The following COL19A1 variants were observed in gnomAD, a reference collection of about 807,000 sequenced individuals.
COL19A1 encodes collagen alpha-1(XIX) chain.
In COL19A1, 159 loss-of-function variants were observed where a neutral mutation model predicts 190.2. The ratio of observed to expected loss-of-function variants is 0.84; its 90% confidence interval spans 0.73 to 0.95. COL19A1 has a LOEUF of 0.95. Among genes scored for constraint, COL19A1 ranks in the 40% least tolerant of loss-of-function variants. The probability of loss-of-function intolerance (pLI) is 0.00; values close to 1 mark genes in which losing one functional copy is unlikely to be tolerated. For missense variants in COL19A1, 1,418 were observed against 1,431.9 expected (o/e 0.99, Z 0.16); for synonymous variants, 509 against 458.9 (o/e 1.11, Z -1.39).
intron 11 of COL19A1, among the ~76,000 whole-genome samples, chr6:69,974,520 G>A (rs1475284288): frequency 2.0e-5 from 3 of 152,200 alleles, no homozygotes; most frequent in African/African-American, 7.2e-5. Flanking sequence ...ATAGCACCCA[G>A]TAATCACAGA....
intron 31 of COL19A1, among the ~76,000 whole-genome samples, chr6:70,155,070 C>T (rs75507021): frequency 0.016 from 2,374 of 152,174 alleles, 79 homozygotes; most frequent in African/African-American, 0.053. Flanking sequence ...CAGTATTAAC[C>T]ATCACACCTT....
At chr6:70,033,072 A>T (rs78392624) in intron 12 of COL19A1, among the ~76,000 whole-genome samples, 1 of 152,158 alleles carries the variant, frequency 6.6e-6, no homozygotes, top group South Asian at 2.1e-4. Context: ...AATAATAACT[A>T]TGAGTTTTAT....
At chr6:70,158,528 C>T (rs1787580443) in intron 34 of COL19A1, among the ~76,000 whole-genome samples, 1 of 152,054 alleles carries the variant, frequency 6.6e-6, no homozygotes, top group South Asian at 2.1e-4. Context: ...CTTAGAAAAG[C>T]AACATTTTCT....
At chr6:70,118,049 A>G (rs1398582608) in intron 16 of COL19A1, among the ~76,000 whole-genome samples, 1 of 151,212 alleles carries the variant, frequency 6.6e-6, no homozygotes, top group Non-Finnish European at 1.5e-5. Context: ...CAACTGCCCT[A>G]GAGCATCTAC....
chr6:69,936,719 C>T, intron 7 of COL19A1, 66 bp from the exon 8 acceptor site: 10 of 1,580,292 alleles, frequency 6.3e-6, no homozygotes, highest in Non-Finnish European at 8.6e-6. Flanking sequence ...TAGTGGGAGC[C>T]AGTGTTTGGA....
chr6:69,903,836 G>A (rs757695723), intron 4 of COL19A1, among the ~76,000 whole-genome samples: 3 of 152,218 alleles, frequency 2.0e-5, no homozygotes, highest in Non-Finnish European at 4.4e-5. Context: ...CTACCAGGAA[G>A]ACTGTCTCAG....
chr6:69,981,920 A>G (rs1308814650), intron 11 of COL19A1, among the ~76,000 whole-genome samples: 1 of 152,140 alleles, frequency 6.6e-6, no homozygotes, highest in South Asian at 2.1e-4. Flanking sequence ...TTTTAATTTC[A>G]AGAAAAGCAC....
intron 25 of COL19A1, among the ~76,000 whole-genome samples, chr6:70,146,148 G>A (rs1376519136): frequency 6.6e-6 from 1 of 152,106 alleles, no homozygotes; most frequent in East Asian, 1.9e-4. Flanking sequence ...GAATTCTGTA[G>A]AGATCTATGG....
At chr6:70,182,206 T>G (rs1202929226) in intron 44 of COL19A1, among the ~76,000 whole-genome samples, 1 of 152,046 alleles carries the variant, frequency 6.6e-6, no homozygotes, top group Non-Finnish European at 1.5e-5. Context: ...GAACTTAGGA[T>G]GTACATTGAA....
At position 70,034,298 on chromosome 6, in the gene COL19A1, G is replaced by C; in HGVS notation, c.1134G>C (p.Lys378Asn). The change falls in exon 13 of 51, where the codon AAG becomes AAC. Residue 378 changes from lysine to asparagine, a missense_variant and splice_region_variant. Coordinates refer to ENST00000620364, the MANE Select transcript of COL19A1 (RefSeq NM_001858.6). ...GTCCACCTGGCCCAAAAGGAGAAAA[G>C]GTATTGTGTTTACCCAGCCAAGCCC... is the stretch of plus-strand genomic sequence containing the variant. Reference protein sequence around the residue: ...PHGPPGPKGEKGDTGPPGPPA... With the variant: ...PHGPPGPKGENGDTGPPGPPA... 1.2e-6 allele frequency: 2 copies of C among 1,612,424 alleles called. No individual in the cohort carries two copies. Among genetic ancestry groups the C allele is most frequent in the South Asian group, 1.1e-5 (1 of 91,048 alleles).
At chr6:70,159,046 A>G (rs1430741186) in intron 34 of COL19A1, among the ~76,000 whole-genome samples, 1 of 151,998 alleles carries the variant, frequency 6.6e-6, no homozygotes, top group Non-Finnish European at 1.5e-5. Flanking sequence ...TTAAAGTTTA[A>G]TGTGGTCATC....
intron 1 of COL19A1, among the ~76,000 whole-genome samples, chr6:69,878,179 G>T (rs1460985735): frequency 6.7e-6 from 1 of 150,090 alleles, no homozygotes; most frequent in Non-Finnish European, 1.5e-5. Context: ...CACCCATTAG[G>T]ATAGTAATTA....
Position 70,207,231 on chromosome 6 carries a change from T to G in COL19A1, c.3386T>G (p.Leu1129Arg). 4 of 1,613,996 alleles carry G rather than the reference T, an allele frequency of 2.5e-6. No individual in the cohort carries two copies. In the African/African-American group the frequency reaches 5.3e-5, roughly 22 times the overall value. ...PSGRCNPEDC[L>R]YPVSHAHQRT... ...GGAAGATGTAACCCAGAAGATTGCCTCTATCCTGTGTCTCATGCCCATCAG... is the reference window on the plus strand; with the variant it reads ...GGAAGATGTAACCCAGAAGATTGCCGCTATCCTGTGTCTCATGCCCATCAG... Residue 1129 changes from leucine (L) to arginine (R), a missense_variant, in exon 51 of 51, where the codon CTC becomes CGC. By Grantham distance (102) the Leu-to-Arg change is moderately radical (BLOSUM62 -2). Transcript: ENST00000620364.
In COL19A1 at chr6:70,158,430, G is replaced by A. The variant is rs1787574317; in HGVS notation, c.2292+1707G>A. Reference sequence around the variant, plus strand: ...ACTCTAAGTGGAAAAGATACAGAGGGACACCCCATCTCTTTGAGACTTCTA... The same window carrying A: ...ACTCTAAGTGGAAAAGATACAGAGGAACACCCCATCTCTTTGAGACTTCTA... On this transcript the variant is annotated intron_variant, in intron 34 of 50. Coordinates refer to ENST00000620364, the MANE Select transcript of COL19A1 (RefSeq NM_001858.6). 2.6e-5 allele frequency among the ~76,000 whole-genome samples: 4 copies of A among 151,994 alleles called. No homozygotes were observed. In the South Asian group the frequency reaches 6.2e-4, roughly 24 times the overall value.
chr6:70,055,922 T>C (rs887680510), intron 14 of COL19A1, among the ~76,000 whole-genome samples: 1 of 152,136 alleles, frequency 6.6e-6, no homozygotes, highest in African/African-American at 2.4e-5. Flanking sequence ...TTCTAATTCT[T>C]TCTACTTTCC....
At chr6:70,142,100 T>C (rs903357255) in intron 22 of COL19A1, 24 bp downstream of exon 22, 1 of 1,601,080 alleles carries the variant, frequency 6.2e-7, no homozygotes, top group African/African-American at 1.3e-5. Context: ...AACTAAGATT[T>C]CTTGGGAAAT....
rs757877907 is a variant in COL19A1 at position 70,184,935 on chromosome 6, G to A, written c.2856+20G>A. 1.9e-6 allele frequency: 3 copies of A among 1,604,812 alleles called. No homozygotes were observed. In the East Asian group the frequency reaches 6.7e-5, roughly 36 times the overall value. On this transcript the variant is annotated intron_variant, in intron 46 of 50. Coordinates refer to ENST00000620364, the MANE Select transcript of COL19A1 (RefSeq NM_001858.6). The stretch of plus-strand genomic sequence containing the variant: ...GAACGTGTATGTATATTACTATTGT[G>A]ATTGTTATTCAAGTCTGTCTGTTAC...
rs897662712 is a variant in COL19A1 at position 69,892,527 on chromosome 6, G to A, written c.92-6421G>A. On this transcript the variant is annotated intron_variant, in intron 2 of 50. Coordinates refer to ENST00000620364, the MANE Select transcript of COL19A1 (RefSeq NM_001858.6). Reference sequence around the variant, plus strand: ...CTGATTATTTGCAAAAATACAGCAAGTATAATTATTTTTACATAGGTTTTT... The same window carrying A: ...CTGATTATTTGCAAAAATACAGCAAATATAATTATTTTTACATAGGTTTTT... Among the ~76,000 whole-genome samples the A allele has an allele frequency of 2.6e-5, 4 of 152,312 alleles. No homozygotes were observed. In the East Asian group the frequency reaches 7.7e-4, roughly 29 times the overall value.
chr6:70,201,889 A>G (rs1438513244), intron 49 of COL19A1, among the ~76,000 whole-genome samples: 2 of 152,240 alleles, frequency 1.3e-5, no homozygotes, highest in Non-Finnish European at 2.9e-5. Context: ...TGGTGCCTCT[A>G]GAGAAGTGCA....
Sources: gnomAD v4.1 joint callset for allele counts (sites outside exome capture counted in the v4.1 genomes callset) on GRCh38, gnomAD v4.1.1 for gene constraint, MANE v1.5 for transcripts, NCBI Gene and HGNC (gene_info 2026-07-23, HGNC 2026-07-21) for gene names.